Variants in CD4 observed in about 807,000 individuals in gnomAD.
The protein encoded by CD4 is CD4 molecule.
Under a neutral mutation model 50.5 loss-of-function variants are expected in CD4, and 25 were observed. That is an observed-to-expected ratio of 0.49 (90% CI 0.36 to 0.69). The LOEUF (loss-of-function observed/expected upper bound fraction) is 0.69. Among genes scored for constraint, CD4 ranks in the 30% least tolerant of loss-of-function variants. CD4 has a pLI of 0.00. For synonymous variants in CD4, 207 were observed against 221.9 expected (o/e 0.93, Z 0.60); for missense variants, 456 against 548.5 (o/e 0.83, Z 1.68).
intron 3 of CD4, among the ~76,000 whole-genome samples, chr12:6,804,293 T>TA (rs1435381151): frequency 6.6e-6 from 1 of 152,150 alleles, no homozygotes; most frequent in Non-Finnish European, 1.5e-5. Context: ...TGTCTGCTCT[T>TA]ACTACTCTTA....
In CD4 at chr12:6,814,303, G is replaced by A; in HGVS notation, c.373+3G>A. On this transcript the variant is annotated splice_donor_region_variant and intron_variant, in intron 4 of 9. Transcript: ENST00000011653. ...GGTGCAATTGCTAGTGTTCGGATGT[G>A]AGTGGGGCAGGTGGGGATGAGGATA... 1 of 1,613,252 alleles carries A rather than the reference G, an allele frequency of 6.2e-7. No individual in the cohort carries two copies. Among genetic ancestry groups the A allele is most frequent in the East Asian group, 2.2e-5 (1 of 44,874 alleles).
At position 6,800,060 on chromosome 12, in the gene CD4, C is replaced by G. The variant is rs1555114938; in HGVS notation, c.-67-12C>G. 7.9e-7 allele frequency: 1 copy of G among 1,265,262 alleles called. No homozygotes were observed. 78.4% of individuals were successfully genotyped at this position (1,265,262 alleles called of 1,614,324 possible). ...TAAATGTTTGCTGACTAATGATTGGCATTTCCCTCAGGCCCTGCCATTTCT... is the reference window on the plus strand; with the variant it reads ...TAAATGTTTGCTGACTAATGATTGGGATTTCCCTCAGGCCCTGCCATTTCT... On this transcript the variant is annotated splice_polypyrimidine_tract_variant and intron_variant, in intron 1 of 9. Coordinates refer to ENST00000011653, the MANE Select transcript of CD4 (RefSeq NM_000616.5).
chr12:6,793,855 G>A (rs922112389), intron 1 of CD4, among the ~76,000 whole-genome samples: 10 of 151,598 alleles, frequency 6.6e-5, no homozygotes, highest in Non-Finnish European at 7.4e-5. Context: ...GTTTCATGAT[G>A]TTGGCCAGGC....
At chr12:6,799,768 ACCGCACCCAGC>A (rs1942479749) in intron 1 of CD4, 1 of 209,708 alleles carries the variant, frequency 4.8e-6, no homozygotes, top group Non-Finnish European at 9.7e-6. Flanking sequence ...GGCATGAGCC[ACCGCACCCAGC>A]CTAGTATATG....
rs115231423 is a variant in CD4 at position 6,812,947 on chromosome 12, G to A, written c.215-1195G>A. ...CTTTTAAATGGGGTCTCATTCTGTC[G>A]CCCAGGGTGGAGTGCAGTGGCATGA... On this transcript the variant is annotated intron_variant, in intron 3 of 9. Transcript: ENST00000011653. Among the ~76,000 whole-genome samples, 1,095 of 151,484 alleles carry A rather than the reference G, an allele frequency of 7.2e-3. 17 individuals are homozygous for A. The highest frequency in any genetic ancestry group is 0.025 in the African/African-American group (1,041 of 41,274).
chr12:6,808,506 A>G (rs1308961572), intron 3 of CD4, among the ~76,000 whole-genome samples: 2 of 136,360 alleles, frequency 1.5e-5, no homozygotes, highest in Non-Finnish European at 3.2e-5. Context: ...TTTTTTTTAA[A>G]TTTTTCTTCT....
At chr12:6,803,757 C>G (rs1226959635) in intron 3 of CD4, among the ~76,000 whole-genome samples, 3 of 150,746 alleles carry the variant, frequency 2.0e-5, no homozygotes, top group African/African-American at 7.3e-5. Flanking sequence ...TGCACTCCAG[C>G]CTGAGTGACA....
rs781937995 is a variant in CD4 at position 6,814,876 on chromosome 12, AG to A, written c.498del (p.Lys167ArgfsTer31). 4 of 1,613,236 alleles carry A rather than the reference AG, an allele frequency of 2.5e-6. No individual in the cohort carries two copies. The highest frequency in any genetic ancestry group is 2.7e-5 in the African/African-American group (2 of 74,912). ...AGGAGTCCAAGGGGTAAAAACATAC[AG>A]GGGGGGAAGACCCTCTCCGTGTCTC... is the stretch of plus-strand genomic sequence containing the variant. Reference protein sequence around the residue: ...QCRSPRGKNIQGGKTLSVSQL... With the variant: ...QCRSPRGKNIXGGKTLSVSQL... On this transcript the variant is annotated frameshift_variant, in exon 5 of 10. Transcript: ENST00000011653. LOFTEE classifies it high-confidence loss of function.
intron 1 of CD4, among the ~76,000 whole-genome samples, chr12:6,798,464 C>CTTTTCTTTTTTTT (rs1408646315): frequency 7.5e-6 from 1 of 134,202 alleles, no homozygotes; most frequent in African/African-American, 2.7e-5. Flanking sequence ...GAGGCAAGAA[C>CTTTTCTTTTTTTT]TTTTTAAAAG....
intron 5 of CD4, chr12:6,815,841 A>C: frequency 6.7e-7 from 1 of 1,497,706 alleles, no homozygotes; most frequent in Non-Finnish European, 8.9e-7. Flanking sequence ...GGCTTCCGGG[A>C]GGAGGGAGGT....
chr12:6,802,856 C>A (rs1359611872), intron 3 of CD4, among the ~76,000 whole-genome samples: 1 of 151,782 alleles, frequency 6.6e-6, no homozygotes, highest in Non-Finnish European at 1.5e-5. Context: ...GCCTCAGCCT[C>A]CCGAGTAGCT....
intron 1 of CD4, among the ~76,000 whole-genome samples, chr12:6,794,404 C>G (rs1320554206): frequency 6.7e-6 from 1 of 149,686 alleles, no homozygotes; most frequent in African/African-American, 2.5e-5. Flanking sequence ...TGGAGTCTCG[C>G]TCTGTTGCCC....
intron 1 of CD4, among the ~76,000 whole-genome samples, chr12:6,795,687 C>A (rs1275392372): frequency 6.6e-6 from 1 of 152,248 alleles, no homozygotes; most frequent in Non-Finnish European, 1.5e-5. Context: ...TAAGGGGCCA[C>A]CCCACAGAAG....
At chr12:6,817,472 T>C (rs1943111160) in intron 7 of CD4, 142 bp downstream of exon 7, 8 of 695,364 alleles carry the variant, frequency 1.2e-5, no homozygotes, top group Non-Finnish European at 1.9e-5. Context: ...CCAGGGTGCT[T>C]TGGAGGCCCC....
At position 6,800,007 on chromosome 12, in the gene CD4, G is replaced by A. The variant is rs530072444; in HGVS notation, c.-67-65G>A. The stretch of plus-strand genomic sequence containing the variant: ...GCAAGGGTCCTGAGGGAGAGGTTGT[G>A]TATCGCCCCTGTATACTCCAGGTCC... On this transcript the variant is annotated intron_variant, in intron 1 of 9. Transcript: ENST00000011653. 12 of 780,562 alleles carry A rather than the reference G, an allele frequency of 1.5e-5. No homozygotes were observed. In the Admixed American group the frequency reaches 2.1e-4, roughly 14 times the overall value. The allele number at this position is 780,562 out of a possible 1,614,324, so 48.4% of individuals were successfully genotyped here.
chr12:6,817,878 C>T (rs782251561), intron 7 of CD4, among the ~76,000 whole-genome samples: 21 of 149,444 alleles, frequency 1.4e-4, no homozygotes, highest in Non-Finnish European at 2.8e-4. Context: ...TGCACACACA[C>T]ACTTACACAT....
At chr12:6,803,965 T>G (rs7136132) in intron 3 of CD4, among the ~76,000 whole-genome samples, 143,277 of 151,310 alleles carry the variant, frequency 0.95, 67,921 homozygotes, top group Middle Eastern at 0.98. Context: ...CAAAAAGTCA[T>G]CCAGGTGTGG....
At chr12:6,809,358 T>C (rs11064408) in intron 3 of CD4, among the ~76,000 whole-genome samples, 2,905 of 151,622 alleles carry the variant, frequency 0.019, 87 homozygotes, top group African/African-American at 0.066. Flanking sequence ...TAGTCGGGAG[T>C]GGTGGCACAT....
intron 3 of CD4, 166 bp from the exon 4 acceptor site, chr12:6,813,976 G>A: frequency 1.6e-6 from 1 of 634,830 alleles, no homozygotes; most frequent in South Asian, 2.0e-5. Flanking sequence ...CAGGTAAATG[G>A]ATATGATGAG....
Sources: gnomAD v4.1 joint callset for allele counts (sites outside exome capture counted in the v4.1 genomes callset) on GRCh38, gnomAD v4.1.1 for gene constraint, MANE v1.5 for transcripts, NCBI Gene and HGNC (gene_info 2026-07-23, HGNC 2026-07-21) for gene names.